The following SHROOM2 variants were observed in gnomAD, a reference collection of about 807,000 sequenced individuals.
SHROOM2 encodes shroom family member 2.
Under a neutral mutation model 75.9 loss-of-function variants are expected in SHROOM2, and 33 were observed. The ratio of observed to expected loss-of-function variants is 0.43; its 90% CI spans 0.33 to 0.58. The LOEUF is 0.58. SHROOM2 is among the 20% of genes least tolerant of loss of function. The pLI, the probability that SHROOM2 is intolerant of heterozygous loss-of-function variation, is 0.04. For missense variants in SHROOM2, 1,434 were observed against 1,461.2 expected, an observed-to-expected ratio of 0.98 and a Z score of 0.30; for synonymous variants, 655 against 663.6, an observed-to-expected ratio of 0.99 and a Z score of 0.20.
intron 2 of SHROOM2, 102 bp from the exon 3 acceptor site, chrX:9,890,875 G>A (rs1399272529): frequency 3.9e-5 from 33 of 842,105 alleles, no homozygotes; most frequent in Non-Finnish European, 4.5e-5. Context: ...TGGCACGAGC[G>A]TGTGCCCTGT....
At chrX:9,878,271 A>G (rs2084212004) in intron 2 of SHROOM2, among the ~76,000 whole-genome samples, 1 of 111,531 alleles carries the variant, frequency 9.0e-6, no homozygotes, top group South Asian at 3.8e-4. Flanking sequence ...TGTGGGGGCC[A>G]AATCGTGGAT....
intron 5 of SHROOM2, among the ~76,000 whole-genome samples, chrX:9,916,528 T>C (rs1292213525): frequency 1.8e-5 from 2 of 112,069 alleles, no homozygotes; most frequent in African/African-American, 6.5e-5. Flanking sequence ...CACGTTGCCC[T>C]CCAAAAAGTG....
intron 5 of SHROOM2, among the ~76,000 whole-genome samples, chrX:9,912,056 GATCATACCACT>G (rs2147031903): frequency 1.0e-5 from 1 of 98,453 alleles, no homozygotes; most frequent in East Asian, 3.7e-4. Context: ...AGTGAGCCAT[GATCATACCACT>G]GCACTCCAGC....
rs111740535 is a variant in SHROOM2 at position 9,810,680 on chromosome X, G to A, written c.165+23970G>A. Reference sequence around the variant, plus strand: ...ATCACTAGGGGTGATGGTGAGTTTTGCCACTTCTACTTGCACCCCTTGATT... The same window carrying A: ...ATCACTAGGGGTGATGGTGAGTTTTACCACTTCTACTTGCACCCCTTGATT... On this transcript the variant is annotated intron_variant, in intron 1 of 9. Transcript: ENST00000380913. 1.0e-2 allele frequency among the ~76,000 whole-genome samples: 1,103 copies of A among 110,335 alleles called. 14 individuals are homozygous for A. The highest frequency in any genetic ancestry group is 0.034 in the African/African-American group (1,027 of 30,334).
Position 9,932,590 on chromosome X carries a change from G to A in SHROOM2, c.3307G>A (p.Asp1103Asn), listed in dbSNP as rs2084660454. Reference sequence around the variant, plus strand: ...CCCAACGCCATCCCCTGCGTCCCTGGATGTGTATGTGGCCCGCCTGTCCCT... The same window carrying A: ...CCCAACGCCATCCCCTGCGTCCCTGAATGTGTATGTGGCCCGCCTGTCCCT... Reference protein sequence around the residue: ...PFPTPSPASLDVYVARLSLSH... With the variant: ...PFPTPSPASLNVYVARLSLSH... Residue 1103 changes from aspartate (D) to asparagine (N), a missense_variant, in exon 6 of 10, where the codon GAT becomes AAT. Asp to Asn is a conservative substitution (Grantham distance 23). This residue lies in a region of SHROOM2 where 1,340 missense variants were observed against 1,338.3 expected (regional missense o/e 1.00). Coordinates refer to ENST00000380913, the MANE Select transcript of SHROOM2 (RefSeq NM_001649.4). The A allele has an allele frequency of 2.5e-6, 3 of 1,210,307 alleles. No homozygotes were observed. The highest frequency in any genetic ancestry group is 3.4e-6 in the Non-Finnish European group (3 of 895,201).
chrX:9,917,872 A>G (rs745513812), intron 5 of SHROOM2, among the ~76,000 whole-genome samples: 38 of 111,744 alleles, frequency 3.4e-4, no homozygotes, highest in Admixed American at 3.0e-3. Context: ...GTGACCTCAT[A>G]TCGTTCTTAC....
chrX:9,833,020 G>A (rs780897286), intron 1 of SHROOM2, among the ~76,000 whole-genome samples: 1 of 110,519 alleles, frequency 9.0e-6, no homozygotes, highest in South Asian at 3.9e-4. Context: ...AGGAGTTGCC[G>A]GCACAATGGA....
At chrX:9,904,076 G>A (rs2084378782) in intron 5 of SHROOM2, among the ~76,000 whole-genome samples, 1 of 111,416 alleles carries the variant, frequency 9.0e-6, no homozygotes, top group Non-Finnish European at 1.9e-5. Flanking sequence ...AAGCCCTCGT[G>A]TGGAGGGAGA....
intron 1 of SHROOM2, among the ~76,000 whole-genome samples, chrX:9,799,114 A>T (rs910929227): frequency 2.0e-5 from 2 of 101,124 alleles, no homozygotes; most frequent in South Asian, 4.6e-4. Flanking sequence ...ACCTCCTTGT[A>T]CCCTGAGGCA....
chrX:9,932,885 C>T lies in SHROOM2; in HGVS notation c.3587+15C>T, dbSNP rs1569175515. 18 of 1,148,766 alleles carry T rather than the reference C, an allele frequency of 1.6e-5. No homozygotes were observed. Among genetic ancestry groups the T allele is most frequent in the Non-Finnish European group, 1.7e-5 (15 of 861,089 alleles). The allele number at this position is 1,148,766 out of a possible 1,213,427, so 94.7% of individuals were successfully genotyped here. A position where few individuals can be genotyped will look rare whatever the true frequency, so the allele number is the denominator to read the frequency against. ...GATTCAACCAGGTACTGTCCTGCGA[C>T]GGTGTTCCCTCCCCATGAGGCTCCT... On this transcript the variant is annotated intron_variant, in intron 6 of 9. Coordinates refer to ENST00000380913, the MANE Select transcript of SHROOM2 (RefSeq NM_001649.4).
chrX:9,927,935 C>T (rs1353747808), intron 5 of SHROOM2, among the ~76,000 whole-genome samples: 1 of 111,362 alleles, frequency 9.0e-6, no homozygotes, highest in African/African-American at 3.3e-5. Context: ...TGCATTCAGA[C>T]ATGGGGCTGG....
chrX:9,894,490 C>T lies in SHROOM2; in HGVS notation c.582C>T (p.Asn194=), dbSNP rs1265739515. Residue 194 remains asparagine (N), a synonymous_variant, in exon 4 of 10, where the codon AAC becomes AAT. Coordinates refer to ENST00000380913, the MANE Select transcript of SHROOM2 (RefSeq NM_001649.4). The part of the protein sequence containing the change: ...PSSRLSVAKS[N]SSIDHLGSHS... ...GTCGCCTCTCGGTGGCCAAGTCCAACAGCAGCATCGACCACCTGGGCAGCC... is the reference window on the plus strand; with the variant it reads ...GTCGCCTCTCGGTGGCCAAGTCCAATAGCAGCATCGACCACCTGGGCAGCC... The T allele has an allele frequency of 1.7e-6, 2 of 1,207,026 alleles. No individual in the cohort carries two copies. The highest frequency in any genetic ancestry group is 3.0e-5 in the East Asian group (1 of 33,654).
intron 1 of SHROOM2, among the ~76,000 whole-genome samples, chrX:9,808,571 G>C (rs1221170892): frequency 9.1e-6 from 1 of 109,359 alleles, no homozygotes; most frequent in Non-Finnish European, 1.9e-5. Context: ...TAAAATAAGT[G>C]GATATAATGG....
At chrX:9,820,575 G>A (rs1188057827) in intron 1 of SHROOM2, among the ~76,000 whole-genome samples, 1 of 111,781 alleles carries the variant, frequency 8.9e-6, no homozygotes, top group Non-Finnish European at 1.9e-5. Flanking sequence ...ATGTTGCCCA[G>A]GCTGGTCTCA....
rs768187022 is a variant in SHROOM2, at chrX:9,911,980, C to G, written c.2891+13690C>G. Among the ~76,000 whole-genome samples the G allele has an allele frequency of 2.7e-5, 3 of 109,508 alleles. No individual in the cohort carries two copies. The South Asian group carries it at 1.2e-3, about 44-fold the overall frequency. ...AAGTGCTGGGCACAGTGGCTCACAC[C>G]TATAATCCCAGCACTTTGGGAGGCT... On this transcript the variant is annotated intron_variant, in intron 5 of 9. Coordinates refer to ENST00000380913, the MANE Select transcript of SHROOM2 (RefSeq NM_001649.4).
At chrX:9,813,269 C>T (rs1348549745) in intron 1 of SHROOM2, among the ~76,000 whole-genome samples, 1 of 111,409 alleles carries the variant, frequency 9.0e-6, no homozygotes, top group East Asian at 2.8e-4. Context: ...GCCAATTATG[C>T]ATTCTGGCAC....
chrX:9,873,826 C>T, intron 2 of SHROOM2, 23 bp downstream of exon 2: 1 of 1,205,436 alleles, frequency 8.3e-7, no homozygotes, highest in Non-Finnish European at 1.1e-6. Context: ...CTTCCTCCCA[C>T]ATTTACCACG....
chrX:9,895,234 C>T lies in SHROOM2; in HGVS notation c.1326C>T (p.Ser442=). 8.4e-7 allele frequency: 1 copy of T among 1,197,336 alleles called. No homozygotes were observed. Among genetic ancestry groups the T allele is most frequent in the Middle Eastern group, 2.3e-4 (1 of 4,271 alleles). The change falls in exon 4 of 10, where the codon AGC becomes AGT. Residue 442 remains serine, a synonymous_variant. Transcript: ENST00000380913. ...YSDHSPLCAD[S]LGQEPGAASF... ...ACCACAGCCCCCTCTGTGCTGACAG[C>T]CTTGGGCAGGAGCCAGGGGCTGCCA...
At chrX:9,917,934 A>G (rs5979209) in intron 5 of SHROOM2, among the ~76,000 whole-genome samples, 2,109 of 112,094 alleles carry the variant, frequency 0.019, 50 homozygotes, top group African/African-American at 0.064. Context: ...TGGAAATGTG[A>G]CGTTACAGTG....
Sources: gnomAD v4.1 joint callset for allele counts (sites outside exome capture counted in the v4.1 genomes callset) on GRCh38, gnomAD v4.1.1 for gene constraint, gnomAD v4.1.1 regional missense constraint, MANE v1.5 for transcripts, NCBI Gene and HGNC (gene_info 2026-07-23, HGNC 2026-07-21) for gene names.